Variants in TCERG1L observed in about 807,000 individuals in gnomAD.
TCERG1L encodes transcription elongation regulator 1-like protein.
In TCERG1L, 37 loss-of-function variants were observed where a neutral mutation model predicts 56.3. The ratio of observed to expected loss-of-function variants is 0.66; its 90% confidence interval spans 0.51 to 0.87. The LOEUF (loss-of-function observed/expected upper bound fraction) is 0.87, where lower values mean the gene tolerates loss of function less well. Ranked by LOEUF, TCERG1L falls within the 40% of genes least tolerant of loss-of-function variation. The pLI, the probability that TCERG1L is intolerant of heterozygous loss-of-function variation, is 0.00. For missense variants in TCERG1L, 799 were observed against 774.2 expected, an observed-to-expected ratio of 1.03 and a Z score of -0.38; for synonymous variants, 324 against 326.3, an observed-to-expected ratio of 0.99 and a Z score of 0.08.
At chr10:131,308,420 T>C in intron 2 of TCERG1L, 29 bp from the exon 3 acceptor site, 5 of 1,595,750 alleles carry the variant, frequency 3.1e-6, no homozygotes, top group Non-Finnish European at 2.6e-6. Flanking sequence ...AGCATAACAC[T>C]GAAGGCAAGG....
chr10:131,271,866 A>G (rs1846343448), intron 3 of TCERG1L, among the ~76,000 whole-genome samples: 1 of 152,208 alleles, frequency 6.6e-6, no homozygotes, highest in Non-Finnish European at 1.5e-5. Flanking sequence ...AAGAAAACAA[A>G]CAACCATTAG....
chr10:131,274,692 C>T (rs1294979233), intron 3 of TCERG1L, among the ~76,000 whole-genome samples: 1 of 152,186 alleles, frequency 6.6e-6, no homozygotes, highest in Non-Finnish European at 1.5e-5. Flanking sequence ...GTCAACTTTC[C>T]CCAAGCTTCC....
At chr10:131,159,805 G>C (rs1845958017) in intron 6 of TCERG1L, among the ~76,000 whole-genome samples, 1 of 152,080 alleles carries the variant, frequency 6.6e-6, no homozygotes, top group Non-Finnish European at 1.5e-5. Flanking sequence ...ACATCACGAG[G>C]CACACAAAGC....
intron 4 of TCERG1L, among the ~76,000 whole-genome samples, chr10:131,203,845 C>T (rs1386649080): frequency 2.0e-5 from 3 of 152,120 alleles, no homozygotes; most frequent in African/African-American, 7.2e-5. Flanking sequence ...GGGGGGTGGG[C>T]ATCTTAAGGG....
At chr10:131,188,044 C>G (rs1845265267) in intron 4 of TCERG1L, among the ~76,000 whole-genome samples, 1 of 152,228 alleles carries the variant, frequency 6.6e-6, no homozygotes. Context: ...TGGTCCCCAG[C>G]ACACTTCCCA....
intron 4 of TCERG1L, among the ~76,000 whole-genome samples, chr10:131,204,424 A>C (rs1845493172): frequency 6.8e-6 from 1 of 146,652 alleles, no homozygotes; most frequent in African/African-American, 2.5e-5. Flanking sequence ...CCGCATCTAC[A>C]TGGCCTCCAT....
intron 8 of TCERG1L, among the ~76,000 whole-genome samples, chr10:131,125,957 T>G (rs1001232673): frequency 6.6e-6 from 1 of 152,154 alleles, no homozygotes; most frequent in African/African-American, 2.4e-5. Flanking sequence ...GGCTCTAGGA[T>G]GGGCAGAGAT....
intron 6 of TCERG1L, among the ~76,000 whole-genome samples, chr10:131,148,501 C>T (rs1056879268): frequency 2.0e-5 from 3 of 151,746 alleles, no homozygotes; most frequent in African/African-American, 7.3e-5. Flanking sequence ...TATATACACA[C>T]ACAAAGGGAC....
chr10:131,272,088 G>A (rs1444874838), intron 3 of TCERG1L, among the ~76,000 whole-genome samples: 3 of 152,152 alleles, frequency 2.0e-5, no homozygotes, highest in Admixed American at 6.5e-5. Context: ...CTGACAACAC[G>A]GTGGGCAGCG....
intron 4 of TCERG1L, 47 bp from the exon 5 acceptor site, chr10:131,166,932 G>T (rs1203500173): frequency 2.6e-6 from 4 of 1,558,158 alleles, no homozygotes. Flanking sequence ...TGTCACAGTA[G>T]TTTGGAAAAC....
rs1055034694 is a variant in TCERG1L, at chr10:131,111,959, G to A, written c.1395+4840C>T. Among the ~76,000 whole-genome samples, 14 of 142,606 alleles carry A rather than the reference G, an allele frequency of 9.8e-5. 2 individuals are homozygous for A. The highest frequency in any genetic ancestry group is 1.7e-4 in the Non-Finnish European group (11 of 63,332). 93.6% of individuals were successfully genotyped at this position (142,606 alleles called of 152,430 possible). A position where few individuals can be genotyped will look rare whatever the true frequency, so the allele number is the denominator to read the frequency against. Reference sequence around the variant, plus strand: ...CTGCCCCCCAGCCTCTCTTCTCAGCGCAGGCTGCAGGCTGCTTGACCAGTG... The same window carrying A: ...CTGCCCCCCAGCCTCTCTTCTCAGCACAGGCTGCAGGCTGCTTGACCAGTG... On this transcript the variant is annotated intron_variant, in intron 9 of 11. Coordinates refer to ENST00000368642, the MANE Select transcript of TCERG1L (RefSeq NM_174937.4).
At chr10:131,148,060 C>T (rs1430996186) in intron 6 of TCERG1L, among the ~76,000 whole-genome samples, 1 of 152,252 alleles carries the variant, frequency 6.6e-6, no homozygotes, top group African/African-American at 2.4e-5. Context: ...AGCCCAGCCA[C>T]GCTCATGAGT....
At chr10:131,112,606 G>A (rs1193661332) in intron 9 of TCERG1L, among the ~76,000 whole-genome samples, 1 of 142,202 alleles carries the variant, frequency 7.0e-6, no homozygotes, top group Non-Finnish European at 1.6e-5. Context: ...CAGAGTCCCC[G>A]ACCGTCAAAA....
intron 6 of TCERG1L, among the ~76,000 whole-genome samples, chr10:131,154,606 AC>A (rs1845899855): frequency 6.6e-6 from 1 of 152,156 alleles, no homozygotes; most frequent in Admixed American, 6.5e-5. Flanking sequence ...GAAGGGCCCA[AC>A]CTAGGCAGGA....
chr10:131,131,932 C>T (rs1051991107), intron 8 of TCERG1L, among the ~76,000 whole-genome samples: 4 of 152,274 alleles, frequency 2.6e-5, no homozygotes, highest in South Asian at 4.2e-4. Context: ...CCAGATTCTG[C>T]GACATAGAAA....
At chr10:131,250,054 T>C (rs1846090025) in intron 4 of TCERG1L, among the ~76,000 whole-genome samples, 1 of 152,098 alleles carries the variant, frequency 6.6e-6, no homozygotes, top group Non-Finnish European at 1.5e-5. Flanking sequence ...ACGATTTGAG[T>C]CACGGGGCAC....
At chr10:131,302,381 CA>C (rs1194470345) in intron 3 of TCERG1L, among the ~76,000 whole-genome samples, 1 of 149,572 alleles carries the variant, frequency 6.7e-6, no homozygotes, top group Non-Finnish European at 1.5e-5. Flanking sequence ...TTCTTTTTCT[CA>C]TCAGATGGGT....
At chr10:131,128,272 C>T (rs185573726) in intron 8 of TCERG1L, among the ~76,000 whole-genome samples, 13 of 152,178 alleles carry the variant, frequency 8.5e-5, no homozygotes, top group Admixed American at 4.6e-4. Flanking sequence ...AATGACGAAG[C>T]GTCAACAGCG....
chr10:131,179,238 C>G (rs904517502), intron 4 of TCERG1L, among the ~76,000 whole-genome samples: 29 of 152,232 alleles, frequency 1.9e-4, no homozygotes, highest in African/African-American at 6.3e-4. Flanking sequence ...CACGCAGCCA[C>G]GTGGGCAGCA....
Sources: allele counts gnomAD v4.1 joint callset (sites outside exome capture counted in the v4.1 genomes callset), GRCh38; gene constraint gnomAD v4.1.1; transcripts MANE v1.5; gene names NCBI Gene and HGNC (gene_info 2026-07-23, HGNC 2026-07-21).